NDST3: variants seen among roughly 807,000 people sequenced by gnomAD.
NDST3 encodes bifunctional heparan sulfate N-deacetylase/N-sulfotransferase 3.
Under a neutral mutation model 96.1 loss-of-function variants are expected in NDST3, and 58 were observed. The observed-to-expected ratio is 0.60, with a 90% CI of 0.49 to 0.75. NDST3 has a LOEUF of 0.75. Among genes scored for constraint, NDST3 ranks in the 30% least tolerant of loss-of-function variants. The pLI is 0.00. For missense variants in NDST3, 788 were observed against 1,034.2 expected, an observed-to-expected ratio of 0.76 and a Z score of 3.27; for synonymous variants, 333 against 359.7, an observed-to-expected ratio of 0.93 and a Z score of 0.84.
intron 6 of NDST3, among the ~76,000 whole-genome samples, chr4:118,200,715 T>C (rs1236443506): frequency 1.3e-5 from 2 of 152,220 alleles, no homozygotes; most frequent in Non-Finnish European, 2.9e-5. Flanking sequence ...ACTGAAATAC[T>C]TTAGAAGCTT....
At chr4:118,149,712 T>C (rs1227901160) in intron 6 of NDST3, among the ~76,000 whole-genome samples, 1 of 149,858 alleles carries the variant, frequency 6.7e-6, no homozygotes. Context: ...CAGGGACAAT[T>C]TGACTTCCTC....
At chr4:118,117,608 T>C (rs996864685) in intron 4 of NDST3, among the ~76,000 whole-genome samples, 1 of 152,214 alleles carries the variant, frequency 6.6e-6, no homozygotes, top group Non-Finnish European at 1.5e-5. Flanking sequence ...TTTCTTTTAA[T>C]TCTCAAATTA....
chr4:118,240,920 T>C (rs1376304380), intron 11 of NDST3, among the ~76,000 whole-genome samples: 2 of 152,224 alleles, frequency 1.3e-5, no homozygotes, highest in African/African-American at 4.8e-5. Flanking sequence ...GTACCTTTCC[T>C]GATTGTAAAA....
intron 10 of NDST3, among the ~76,000 whole-genome samples, chr4:118,238,212 AAAGAAAG>A (rs1380429319): frequency 4.5e-5 from 6 of 134,210 alleles, no homozygotes; most frequent in African/African-American, 1.8e-4. Context: ...AGAAAGAAAG[AAAGAAAG>A]AAAGAAAAAG....
chr4:118,128,674 T>C (rs1732334313), intron 4 of NDST3, among the ~76,000 whole-genome samples: 1 of 152,070 alleles, frequency 6.6e-6, no homozygotes, highest in African/African-American at 2.4e-5. Flanking sequence ...TTATCTGGTT[T>C]CGGTATCAGG....
At chr4:118,073,621 T>G (rs895768001) in intron 2 of NDST3, among the ~76,000 whole-genome samples, 5 of 152,098 alleles carry the variant, frequency 3.3e-5, no homozygotes, top group African/African-American at 1.2e-4. Context: ...CTTTTTCTCT[T>G]TATTTGTCTA....
chr4:118,101,506 C>T (rs1290098354), intron 2 of NDST3, among the ~76,000 whole-genome samples: 1 of 152,040 alleles, frequency 6.6e-6, no homozygotes, highest in Non-Finnish European at 1.5e-5. Context: ...CCTTCTAACA[C>T]TCTGATTAGC....
At chr4:118,195,351 G>C (rs2125971359) in intron 6 of NDST3, among the ~76,000 whole-genome samples, 1 of 152,282 alleles carries the variant, frequency 6.6e-6, no homozygotes, top group East Asian at 1.9e-4. Flanking sequence ...CCCCCATACT[G>C]TTCTCATGGT....
At chr4:118,047,919 A>C (rs1176959294) in intron 1 of NDST3, among the ~76,000 whole-genome samples, 1 of 152,196 alleles carries the variant, frequency 6.6e-6, no homozygotes, top group African/African-American at 2.4e-5. Context: ...CTTAAGGCAC[A>C]CAGTCATCAG....
intron 6 of NDST3, among the ~76,000 whole-genome samples, chr4:118,154,274 T>C (rs941074081): frequency 1.3e-5 from 2 of 152,206 alleles, no homozygotes; most frequent in Non-Finnish European, 1.5e-5. Context: ...AGTGTGATTA[T>C]TTGTGTGTGC....
At chr4:118,209,724 T>C (rs1437305246) in intron 6 of NDST3, among the ~76,000 whole-genome samples, 2 of 152,174 alleles carry the variant, frequency 1.3e-5, no homozygotes, top group Non-Finnish European at 2.9e-5. Flanking sequence ...TTGAAACCTG[T>C]CTCTAATTGA....
chr4:118,109,184 A>C (rs1730442476), intron 3 of NDST3, among the ~76,000 whole-genome samples: 1 of 152,200 alleles, frequency 6.6e-6, no homozygotes, highest in African/African-American at 2.4e-5. Flanking sequence ...TAAACTTCTG[A>C]GTTAGGATAT....
intron 2 of NDST3, among the ~76,000 whole-genome samples, chr4:118,061,713 G>C (rs1264759089): frequency 6.6e-6 from 1 of 152,102 alleles, no homozygotes. Context: ...CCAGCACAGA[G>C]AAATGTGCCT....
intron 1 of NDST3, among the ~76,000 whole-genome samples, chr4:118,040,597 T>C (rs1724388326): frequency 6.6e-6 from 1 of 152,092 alleles, no homozygotes; most frequent in South Asian, 2.1e-4. Context: ...ATTTCCCTCA[T>C]TTCCTGTGTT....
intron 4 of NDST3, among the ~76,000 whole-genome samples, chr4:118,116,717 G>T (rs1731161639): frequency 6.6e-6 from 1 of 152,072 alleles, no homozygotes; most frequent in Non-Finnish European, 1.5e-5. Flanking sequence ...AATTAGCCAG[G>T]TGTGGTGGCG....
intron 12 of NDST3, among the ~76,000 whole-genome samples, chr4:118,248,845 A>G (rs1052457316): frequency 6.6e-5 from 10 of 152,236 alleles, no homozygotes; most frequent in African/African-American, 2.4e-4. Flanking sequence ...TCCCAAACTC[A>G]TAAGACCTTC....
chr4:118,182,326 A>G (rs549118653), intron 6 of NDST3, among the ~76,000 whole-genome samples: 1 of 152,316 alleles, frequency 6.6e-6, no homozygotes, highest in South Asian at 2.1e-4. Context: ...CAAAAGGCAC[A>G]ATTCAAACAT....
Position 118,138,113 on chromosome 4 carries a change from C to G in NDST3, c.1284C>G (p.Tyr428Ter), listed in dbSNP as rs760867376. The change falls in exon 5 of 14, where the codon TAC becomes TAG. Residue 428 changes from tyrosine to a stop codon, truncating the protein, a stop_gained. Transcript: ENST00000296499. LOFTEE classifies it high-confidence loss of function. Reference protein sequence around the residue: ...YAVAPHHSGVYPVHVQLYEAW... With the variant: ...YAVAPHHSGV ...TGGCCCCTCACCATTCGGGCGTCTA[C>G]CCTGTACATGTTCAGCTTTATGAGG... 6.2e-7 allele frequency: 1 copy of G among 1,613,938 alleles called. No individual in the cohort carries two copies. The highest frequency in any genetic ancestry group is 1.7e-5 in the Admixed American group (1 of 60,006).
intron 2 of NDST3, among the ~76,000 whole-genome samples, chr4:118,101,941 G>A (rs1729800670): frequency 6.6e-6 from 1 of 152,004 alleles, no homozygotes; most frequent in Non-Finnish European, 1.5e-5. Flanking sequence ...AATGTGATAG[G>A]AGAAAGCCCA....
Sources: gnomAD v4.1 joint callset for allele counts (sites outside exome capture counted in the v4.1 genomes callset) on GRCh38, gnomAD v4.1.1 for gene constraint, MANE v1.5 for transcripts, NCBI Gene and HGNC (gene_info 2026-07-23, HGNC 2026-07-21) for gene names.